The following IL6R variants were observed in gnomAD, a reference collection of about 807,000 sequenced individuals.
IL6R encodes interleukin 6 receptor, also known as interleukin-6 receptor subunit alpha.
In IL6R, 38 loss-of-function variants were observed where a neutral mutation model predicts 48.3. That is an observed-to-expected ratio of 0.79 (90% CI 0.61 to 1.03). IL6R has a LOEUF of 1.03. IL6R is among the 50% of genes least tolerant of loss of function. IL6R has a pLI of 0.00. For missense variants in IL6R, 534 were observed against 618.3 expected, an observed-to-expected ratio of 0.86 and a Z score of 1.45; for synonymous variants, 264 against 256.2, an observed-to-expected ratio of 1.03 and a Z score of -0.29.
intron 1 of IL6R, among the ~76,000 whole-genome samples, chr1:154,413,677 G>T (rs935354824): frequency 6.6e-6 from 1 of 151,342 alleles, no homozygotes; most frequent in African/African-American, 2.4e-5. Flanking sequence ...ACTATGACCT[G>T]CCTGTTCATA....
intron 1 of IL6R, among the ~76,000 whole-genome samples, chr1:154,420,511 T>TTTTATTTATTTATTTATTTATTTA (rs372431155): frequency 1.6e-4 from 23 of 147,884 alleles, no homozygotes; most frequent in African/African-American, 3.8e-4. Context: ...CTTTATTTTA[T>TTTTATTTATTTATTTATTTATTTA]TTTATTTATT....
intron 6 of IL6R, among the ~76,000 whole-genome samples, chr1:154,444,290 C>A (rs960361180): frequency 6.6e-6 from 1 of 150,660 alleles, no homozygotes; most frequent in Non-Finnish European, 1.5e-5. Flanking sequence ...CTCACCGCAA[C>A]CTCCACCTCC....
intron 1 of IL6R, among the ~76,000 whole-genome samples, chr1:154,413,633 G>T (rs1487555901): frequency 6.6e-6 from 1 of 152,098 alleles, no homozygotes; most frequent in Non-Finnish European, 1.5e-5. Flanking sequence ...GATTGTATGG[G>T]TTTTTTAATG....
Position 154,465,246 on chromosome 1 carries a change from G to C in IL6R, c.1273G>C (p.Val425Leu). ...GAGGCCTCGACCCACCCCAGTGCTTGTTCCTCTCATCTCCCCACCGGTGTC... is the reference window on the plus strand; with the variant it reads ...GAGGCCTCGACCCACCCCAGTGCTTCTTCCTCTCATCTCCCCACCGGTGTC... ...PERPRPTPVLVPLISPPVSPS... is the reference protein window; with the variant it reads ...PERPRPTPVLLPLISPPVSPS... Residue 425 changes from valine (V) to leucine (L), a missense_variant, in exon 10 of 10, where the codon GTT (valine) becomes CTT (leucine). Coordinates refer to ENST00000368485, the MANE Select transcript of IL6R (RefSeq NM_000565.4). The C allele has an allele frequency of 6.2e-7, 1 of 1,614,200 alleles. No individual in the cohort carries two copies. The highest frequency in any genetic ancestry group is 8.5e-7 in the Non-Finnish European group (1 of 1,180,038).
intron 1 of IL6R, among the ~76,000 whole-genome samples, chr1:154,411,484 C>T (rs1688016282): frequency 6.6e-6 from 1 of 152,058 alleles, no homozygotes; most frequent in Non-Finnish European, 1.5e-5. Context: ...TATTTCAAGC[C>T]CTGAGAGTGG....
At chr1:154,420,931 G>A (rs2149220603) in intron 1 of IL6R, among the ~76,000 whole-genome samples, 1 of 152,296 alleles carries the variant, frequency 6.6e-6, no homozygotes, top group East Asian at 1.9e-4. Flanking sequence ...AAACTGACCA[G>A]ACCAGACCAG....
rs762997891 is a variant in IL6R, at chr1:154,429,215, G to C, written c.105G>C (p.Leu35=). 171 of 1,613,276 alleles carry C rather than the reference G, an allele frequency of 1.1e-4. 1 individual carries two copies. In the Middle Eastern group the frequency reaches 1.2e-3, roughly 11 times the overall value. Residue 35 remains leucine, a synonymous_variant, in exon 2 of 10, where the codon CTG becomes CTC. Coordinates refer to ENST00000368485, the MANE Select transcript of IL6R (RefSeq NM_000565.4). ...CPAQEVARGV[L]TSLPGDSVTL... ...CTCCAGAGGTGGCGAGAGGCGTGCT[G>C]ACCAGTCTGCCAGGAGACAGCGTGA...
chr1:154,419,971 G>A (rs1382766923), intron 1 of IL6R, among the ~76,000 whole-genome samples: 1 of 152,088 alleles, frequency 6.6e-6, no homozygotes, highest in Non-Finnish European at 1.5e-5. Context: ...CCATGGTGGG[G>A]GTCCCAGTGT....
Position 154,448,008 on chromosome 1 carries a change from C to A in IL6R, c.950-117C>A. The A allele has an allele frequency of 4.8e-6, 4 of 826,412 alleles. No homozygotes were observed. The East Asian group carries it at 7.4e-5, about 15-fold the overall frequency. The allele number at this position is 826,412 out of a possible 1,614,324, so 51.2% of individuals were successfully genotyped here. A position where few individuals can be genotyped will look rare whatever the true frequency, so the allele number is the denominator to read the frequency against. ...ACAGACGTGAGCCACCGCGCCCAGC[C>A]CATGCTGTTCTTTTAAATAACATTG... On this transcript the variant is annotated intron_variant, in intron 6 of 9. Coordinates refer to ENST00000368485, the MANE Select transcript of IL6R (RefSeq NM_000565.4).
At chr1:154,413,769 C>CTTTTTTTTTTTTTTT in intron 1 of IL6R, among the ~76,000 whole-genome samples, 1 of 111,752 alleles carries the variant, frequency 8.9e-6, no homozygotes, top group Non-Finnish European at 1.9e-5. Flanking sequence ...TCATACATGA[C>CTTTTTTTTTTTTTTT]TTTTTTTTTT....
intron 1 of IL6R, among the ~76,000 whole-genome samples, chr1:154,422,996 T>A (rs1688764817): frequency 6.6e-6 from 1 of 151,962 alleles, no homozygotes; most frequent in African/African-American, 2.4e-5. Flanking sequence ...AGGGATGGTG[T>A]CTTGTGTCCA....
chr1:154,409,079 A>C (rs1687886679), intron 1 of IL6R, among the ~76,000 whole-genome samples: 1 of 152,160 alleles, frequency 6.6e-6, no homozygotes, highest in African/African-American at 2.4e-5. Context: ...TCCAGTCTGC[A>C]TGGAGCCATG....
chr1:154,457,970 T>TTCTG (rs36035192), intron 9 of IL6R, among the ~76,000 whole-genome samples: 6 of 24,710 alleles, frequency 2.4e-4, no homozygotes, highest in African/African-American at 5.3e-4. Flanking sequence ...TCTTTTTCTT[T>TTCTG]TTTTTTTTTT....
intron 6 of IL6R, among the ~76,000 whole-genome samples, chr1:154,446,552 A>G (rs1690240333): frequency 6.6e-6 from 1 of 152,214 alleles, no homozygotes; most frequent in South Asian, 2.1e-4. Context: ...TTTGAAATCC[A>G]GAGCATTCCA....
At chr1:154,438,457 T>C (rs1199644587) in intron 6 of IL6R, among the ~76,000 whole-genome samples, 1 of 152,122 alleles carries the variant, frequency 6.6e-6, no homozygotes, top group Non-Finnish European at 1.5e-5. Flanking sequence ...CAAATGTTTC[T>C]AGCCCTGTGG....
At position 154,448,189 on chromosome 1, in the gene IL6R, T is replaced by TA. The variant is rs755431467; in HGVS notation, c.996+22dup. ...CCATGCAGGTGAGCTCCTGTTCTTG[T>TA]AAAAGGGTCAGGGCTGCAGCACCTC... On this transcript the variant is annotated intron_variant, in intron 7 of 9. Transcript: ENST00000368485. The TA allele has an allele frequency of 7.5e-6, 12 of 1,609,450 alleles. No homozygotes were observed. The Admixed American group carries it at 1.8e-4, about 25-fold the overall frequency.
At position 154,468,892 on chromosome 1, in the gene IL6R, T is replaced by C. The variant is rs1417778739; in HGVS notation, c.*3512T>C. On this transcript the variant is annotated 3_prime_UTR_variant, in exon 10 of 10. Coordinates refer to ENST00000368485, the MANE Select transcript of IL6R (RefSeq NM_000565.4). The stretch of plus-strand genomic sequence containing the variant: ...TCCAGGTGGAGTTGGTGGTCTTAAT[T>C]TGGAGATGCAGGGGCAACCTGTGAC... 2 of 152,240 alleles carry C rather than the reference T, an allele frequency of 1.3e-5. No homozygotes were observed. Among genetic ancestry groups the C allele is most frequent in the African/African-American group, 4.8e-5 (2 of 41,408 alleles). 9.4% of individuals were successfully genotyped at this position (152,240 alleles called of 1,614,324 possible).
chr1:154,434,945 A>G, intron 4 of IL6R, 45 bp from the exon 5 acceptor site: 2 of 1,604,046 alleles, frequency 1.2e-6, no homozygotes, highest in South Asian at 1.1e-5. Flanking sequence ...GCTTCTCTAC[A>G]CTATATTTGG....
Position 154,436,025 on chromosome 1 carries a change from C to T in IL6R, c.864C>T (p.His288=), listed in dbSNP as rs745914594. The change falls in exon 6 of 10, where the codon CAC becomes CAT. Residue 288 remains histidine (H), a synonymous_variant. Coordinates refer to ENST00000368485, the MANE Select transcript of IL6R (RefSeq NM_000565.4). ...ACGACGCCTGGAGCGGCCTGAGGCA[C>T]GTGGTGCAGCTTCGTGCCCAGGAGG... ...VIHDAWSGLR[H]VVQLRAQEEF... is the part of the protein sequence containing the mutation. 5.0e-5 allele frequency: 80 copies of T among 1,612,890 alleles called. No homozygotes were observed. Among genetic ancestry groups the T allele is most frequent in the Non-Finnish European group, 5.9e-5 (69 of 1,179,388 alleles).
Sources: gnomAD v4.1 joint callset for allele counts (sites outside exome capture counted in the v4.1 genomes callset) on GRCh38, gnomAD v4.1.1 for gene constraint, MANE v1.5 for transcripts, NCBI Gene and HGNC (gene_info 2026-07-23, HGNC 2026-07-21) for gene names.